GRIN3A: variants seen among roughly 807,000 people sequenced by gnomAD.
GRIN3A encodes glutamate receptor ionotropic, NMDA 3A.
GRIN3A carries 47 observed loss-of-function variants against 92.4 expected under a neutral mutation model. The ratio of observed to expected loss-of-function variants is 0.51; its 90% CI spans 0.40 to 0.65. The LOEUF (loss-of-function observed/expected upper bound fraction) is 0.65. Among genes scored for constraint, GRIN3A ranks in the 30% least tolerant of loss-of-function variants. The probability of loss-of-function intolerance (pLI) is 0.00; values close to 1 mark genes in which losing one functional copy is unlikely to be tolerated. For missense variants in GRIN3A, 1,324 were observed against 1,393.1 expected, an observed-to-expected ratio of 0.95 and a Z score of 0.79; for synonymous variants, 527 against 540.6, an observed-to-expected ratio of 0.97 and a Z score of 0.35.
intron 3 of GRIN3A, among the ~76,000 whole-genome samples, chr9:101,650,617 T>C (rs150957240): frequency 2.6e-5 from 4 of 152,208 alleles, no homozygotes; most frequent in African/African-American, 4.8e-5. Flanking sequence ...ATATGCTTTT[T>C]GTTGTATGCC....
chr9:101,690,441 T>C (rs1829599485), intron 1 of GRIN3A, among the ~76,000 whole-genome samples: 1 of 152,094 alleles, frequency 6.6e-6, no homozygotes, highest in Non-Finnish European at 1.5e-5. Context: ...TCCAAAAGAA[T>C]AGGGCAGGAA....
rs1170472345 is a variant in GRIN3A at position 101,680,088 on chromosome 9, C to T, written c.1304+6508G>A. 2.6e-5 allele frequency among the ~76,000 whole-genome samples: 4 copies of T among 152,140 alleles called. No individual in the cohort carries two copies. The East Asian group carries it at 7.7e-4, about 29-fold the overall frequency. ...CCCTGCAAAGTAGTAGCTGAATGACCTTAGACATACTACTTAACTTTTTGA... is the reference window on the plus strand; with the variant it reads ...CCCTGCAAAGTAGTAGCTGAATGACTTTAGACATACTACTTAACTTTTTGA... On this transcript the variant is annotated intron_variant, in intron 2 of 8. Transcript: ENST00000361820.
chr9:101,713,868 G>T (rs1053614123), intron 1 of GRIN3A, among the ~76,000 whole-genome samples: 1 of 152,066 alleles, frequency 6.6e-6, no homozygotes, highest in African/African-American at 2.4e-5. Context: ...TTGATGCCAG[G>T]AGTTCAAGAC....
intron 1 of GRIN3A, among the ~76,000 whole-genome samples, chr9:101,718,999 A>G (rs1829977838): frequency 6.6e-6 from 1 of 152,366 alleles, no homozygotes; most frequent in South Asian, 2.1e-4. Context: ...TAGATGATGC[A>G]GAGATATGGC....
chr9:101,679,863 G>T (rs1829446329), intron 2 of GRIN3A, among the ~76,000 whole-genome samples: 1 of 152,180 alleles, frequency 6.6e-6, no homozygotes, highest in African/African-American at 2.4e-5. Flanking sequence ...TAACCAGTTT[G>T]TGTTGGTAGA....
chr9:101,615,001 G>A (rs1473296956), intron 5 of GRIN3A, among the ~76,000 whole-genome samples: 4 of 152,016 alleles, frequency 2.6e-5, no homozygotes, highest in African/African-American at 9.7e-5. Context: ...GGAGGCAGGG[G>A]AAGGAATGAG....
chr9:101,583,299 A>C (rs1588235838), intron 6 of GRIN3A, among the ~76,000 whole-genome samples: 2 of 152,184 alleles, frequency 1.3e-5, no homozygotes, highest in African/African-American at 4.8e-5. Context: ...ACAATTTTTT[A>C]TTTAAAACTC....
chr9:101,696,669 G>A (rs1201573908), intron 1 of GRIN3A, among the ~76,000 whole-genome samples: 1 of 152,046 alleles, frequency 6.6e-6, no homozygotes, highest in Non-Finnish European at 1.5e-5. Flanking sequence ...CTTATAATGG[G>A]AACTATTGAA....
At chr9:101,659,513 T>C (rs1829141849) in intron 3 of GRIN3A, among the ~76,000 whole-genome samples, 1 of 93,324 alleles carries the variant, frequency 1.1e-5, no homozygotes, top group African/African-American at 4.0e-5. Context: ...AGTATCTATG[T>C]ATTTATTTAT....
At chr9:101,678,260 G>C (rs184471461) in intron 2 of GRIN3A, among the ~76,000 whole-genome samples, 1 of 152,252 alleles carries the variant, frequency 6.6e-6, no homozygotes, top group Admixed American at 6.5e-5. Context: ...ATTAAGTCAG[G>C]AAACATTTGC....
chr9:101,593,040 G>GAGA (rs1407767925), intron 6 of GRIN3A: 1 of 152,224 alleles, frequency 6.6e-6, no homozygotes, highest in African/African-American at 2.4e-5. Context: ...TTCATGCTCT[G>GAGA]AGAACTCACA....
chr9:101,649,812 C>A (rs763780460), intron 3 of GRIN3A, among the ~76,000 whole-genome samples: 51 of 152,106 alleles, frequency 3.4e-4, no homozygotes, highest in Non-Finnish European at 1.5e-4. Context: ...AGGGCTTAAC[C>A]TAGATGTCTT....
chr9:101,708,031 G>C (rs940821186), intron 1 of GRIN3A, among the ~76,000 whole-genome samples: 7 of 152,110 alleles, frequency 4.6e-5, no homozygotes. Context: ...TCTGTGGGGG[G>C]TAAGGGCCAG....
chr9:101,665,450 T>C (rs1829226228), intron 3 of GRIN3A, among the ~76,000 whole-genome samples: 1 of 151,900 alleles, frequency 6.6e-6, no homozygotes, highest in Non-Finnish European at 1.5e-5. Flanking sequence ...AGCAAAACTT[T>C]CTTGAGATGA....
At position 101,676,519 on chromosome 9, in the gene GRIN3A, A is replaced by AATGAG. The variant is rs1215792302; in HGVS notation, c.1305-5417_1305-5413dup. Among the ~76,000 whole-genome samples, 23 of 152,038 alleles carry AATGAG rather than the reference A, an allele frequency of 1.5e-4. No individual in the cohort carries two copies. The East Asian group carries it at 4.5e-3, about 29-fold the overall frequency. On this transcript the variant is annotated intron_variant, in intron 2 of 8. Transcript: ENST00000361820. ...ATCATATTTGATATTTCCCCCGAGG[A>AATGAG]ATGAGGGATTTACTCATGCTGCATA...
At chr9:101,677,858 C>G (rs993131000) in intron 2 of GRIN3A, among the ~76,000 whole-genome samples, 1 of 152,122 alleles carries the variant, frequency 6.6e-6, no homozygotes. Flanking sequence ...TGTGAAATGA[C>G]TCCTTGACTC....
At chr9:101,662,890 T>C (rs1019416709) in intron 3 of GRIN3A, among the ~76,000 whole-genome samples, 4 of 151,902 alleles carry the variant, frequency 2.6e-5, no homozygotes, top group African/African-American at 9.7e-5. Context: ...ATTTCTCCTA[T>C]TATGTTTTCT....
chr9:101,719,173 C>T (rs1055329649), intron 1 of GRIN3A, among the ~76,000 whole-genome samples: 4 of 152,076 alleles, frequency 2.6e-5, no homozygotes, highest in African/African-American at 9.7e-5. Flanking sequence ...AATCCCAGCA[C>T]TTTGGGAGGC....
At chr9:101,676,318 C>T (rs1032084900) in intron 2 of GRIN3A, among the ~76,000 whole-genome samples, 11 of 151,498 alleles carry the variant, frequency 7.3e-5, no homozygotes, top group African/African-American at 2.7e-4. Context: ...TCTTTTTCCC[C>T]CTATTTATTG....
Sources: gnomAD v4.1 joint callset for allele counts (sites outside exome capture counted in the v4.1 genomes callset) on GRCh38, gnomAD v4.1.1 for gene constraint, MANE v1.5 for transcripts, NCBI Gene and HGNC (gene_info 2026-07-23, HGNC 2026-07-21) for gene names.